RASSF5: variants seen among roughly 807,000 people sequenced by gnomAD.
RASSF5 encodes ras association domain-containing protein 5.
A neutral mutation model predicts 40.5 loss-of-function variants in RASSF5; 25 were observed. The ratio of observed to expected loss-of-function variants is 0.62; its 90% confidence interval spans 0.45 to 0.86. The LOEUF (loss-of-function observed/expected upper bound fraction) is 0.86. Among genes scored for constraint, RASSF5 ranks in the 40% least tolerant of loss-of-function variants. The probability of loss-of-function intolerance (pLI) is 0.00; values close to 1 mark genes in which losing one functional copy is unlikely to be tolerated. For missense variants in RASSF5, 521 were observed against 572.8 expected, an observed-to-expected ratio of 0.91 and a Z score of 0.92; for synonymous variants, 246 against 252.4, an observed-to-expected ratio of 0.97 and a Z score of 0.24.
intron 2 of RASSF5, chr1:206,557,155 A>G: frequency 1.0e-6 from 1 of 996,216 alleles, no homozygotes; most frequent in Non-Finnish European, 1.2e-6. Flanking sequence ...TTGCAGAGGA[A>G]GTGGCTTCAG....
At chr1:206,561,895 C>T (rs1363543867) in intron 2 of RASSF5, among the ~76,000 whole-genome samples, 2 of 151,486 alleles carry the variant, frequency 1.3e-5, no homozygotes, top group African/African-American at 4.9e-5. Context: ...TCTTGAACTC[C>T]TGACCTCAGG....
At chr1:206,523,729 A>G (rs1666993149) in intron 1 of RASSF5, among the ~76,000 whole-genome samples, 1 of 96,196 alleles carries the variant, frequency 1.0e-5, no homozygotes, top group Non-Finnish European at 1.8e-5. Context: ...ATATTTATAT[A>G]TTATATATAA....
At chr1:206,580,133 G>A (rs1020682608) in intron 2 of RASSF5, among the ~76,000 whole-genome samples, 8 of 152,298 alleles carry the variant, frequency 5.3e-5, no homozygotes, top group South Asian at 2.1e-4. Flanking sequence ...TCACTTCCCC[G>A]CGTTTGTGGT....
At chr1:206,563,939 C>T (rs1391186099) in intron 2 of RASSF5, among the ~76,000 whole-genome samples, 2 of 152,152 alleles carry the variant, frequency 1.3e-5, no homozygotes, top group Non-Finnish European at 2.9e-5. Context: ...TATTTCAAGG[C>T]CCTTTGAGAT....
At chr1:206,583,222 C>T (rs782055209) in intron 2 of RASSF5, 47 bp from the exon 3 acceptor site, 10 of 1,294,594 alleles carry the variant, frequency 7.7e-6, no homozygotes, top group Non-Finnish European at 1.1e-5. Flanking sequence ...CCCTTTCTCA[C>T]CCTGAGAACT....
chr1:206,583,497 C>A, intron 3 of RASSF5, 118 bp downstream of exon 3: 1 of 731,358 alleles, frequency 1.4e-6, no homozygotes, highest in Non-Finnish European at 2.4e-6. Flanking sequence ...CCCTTTCCTC[C>A]GGCCTCCAGA....
At chr1:206,577,613 AC>A (rs1668704741) in intron 2 of RASSF5, among the ~76,000 whole-genome samples, 1 of 152,172 alleles carries the variant, frequency 6.6e-6, no homozygotes, top group South Asian at 2.1e-4. Flanking sequence ...CAGGTACTTA[AC>A]CCCTACTATG....
At chr1:206,559,416 A>C (rs1553402283) in intron 2 of RASSF5, among the ~76,000 whole-genome samples, 2 of 152,176 alleles carry the variant, frequency 1.3e-5, no homozygotes, top group African/African-American at 4.8e-5. Flanking sequence ...GAGGAATAGA[A>C]ATATCCTATA....
chr1:206,573,607 C>A (rs1366852604), intron 2 of RASSF5, among the ~76,000 whole-genome samples: 1 of 152,212 alleles, frequency 6.6e-6, no homozygotes, highest in Non-Finnish European at 1.5e-5. Context: ...CTATTTGCCT[C>A]ATGTTCAGAG....
Position 206,579,476 on chromosome 1 carries a change from G to A in RASSF5, c.580-3793G>A, listed in dbSNP as rs982701103. Among the ~76,000 whole-genome samples the A allele has an allele frequency of 6.6e-6, 1 of 152,204 alleles. No individual in the cohort carries two copies. Among genetic ancestry groups the A allele is most frequent in the South Asian group, 2.1e-4 (1 of 4,832 alleles). On this transcript the variant is annotated intron_variant, in intron 2 of 5. Coordinates refer to ENST00000579436, the MANE Select transcript of RASSF5 (RefSeq NM_182663.4). The surrounding 1 kb of genome is among the most constrained non-coding windows in gnomAD (Gnocchi z 4.2). Reference sequence around the variant, plus strand: ...GTCTTATCCTCTGAAGATTGCTATAGTATCGATCTCGCTCTCATGGCAGAT... The same window carrying A: ...GTCTTATCCTCTGAAGATTGCTATAATATCGATCTCGCTCTCATGGCAGAT...
intron 1 of RASSF5, 140 bp from the exon 2 acceptor site, chr1:206,538,032 G>T: frequency 2.5e-6 from 3 of 1,199,182 alleles, no homozygotes; most frequent in Non-Finnish European, 3.6e-6. Flanking sequence ...GCATTCTCAC[G>T]CTGTCTCCCG....
chr1:206,534,692 C>T (rs1352469876), intron 1 of RASSF5, among the ~76,000 whole-genome samples: 3 of 152,202 alleles, frequency 2.0e-5, no homozygotes, highest in African/African-American at 7.2e-5. Context: ...TGGGCTGTCT[C>T]TGTTGTTAGT....
chr1:206,554,439 T>C (rs1295722420), intron 2 of RASSF5, among the ~76,000 whole-genome samples: 1 of 152,234 alleles, frequency 6.6e-6, no homozygotes. Context: ...TTTCATCATC[T>C]AACACTTTGA....
chr1:206,584,714 G>C lies in RASSF5; in HGVS notation c.988+30G>C. ...GAGAAAGAGTGAACCCAACCAGACC[G>C]TTCCCTTCCTACCTGTGTCCAAGCC... On this transcript the variant is annotated intron_variant, in intron 4 of 5. Transcript: ENST00000579436. This position sits in a 1 kb window ranked among gnomAD's most constrained non-coding sequence, Gnocchi z 4.9. 1 of 1,612,376 alleles carries C rather than the reference G, an allele frequency of 6.2e-7. No homozygotes were observed. Among genetic ancestry groups the C allele is most frequent in the Non-Finnish European group, 8.5e-7 (1 of 1,178,802 alleles).
rs535141953 is a variant in RASSF5, at chr1:206,535,671, G to A, written c.458-2501G>A. 9.2e-5 allele frequency among the ~76,000 whole-genome samples: 14 copies of A among 151,744 alleles called. No homozygotes were observed. The highest frequency in any genetic ancestry group is 3.1e-4 in the African/African-American group (13 of 41,330). On this transcript the variant is annotated intron_variant, in intron 1 of 5. Coordinates refer to ENST00000579436, the MANE Select transcript of RASSF5 (RefSeq NM_182663.4). The surrounding 1 kb of genome is among the most constrained non-coding windows in gnomAD (Gnocchi z 5.0). The stretch of plus-strand genomic sequence containing the variant: ...ACTTAGTGTTGTCCAGCTCAGCATG[G>A]TGATGTTTTCAGGGTGTGTGTGTGT...
Position 206,584,814 on chromosome 1 carries a change from T to A in RASSF5, c.988+130T>A. 2 of 962,350 alleles carry A rather than the reference T, an allele frequency of 2.1e-6. No individual in the cohort carries two copies. The highest frequency in any genetic ancestry group is 3.1e-6 in the Non-Finnish European group (2 of 639,578). The allele number at this position is 962,350 out of a possible 1,614,324, so 59.6% of individuals were successfully genotyped here. On this transcript the variant is annotated intron_variant, in intron 4 of 5. Transcript: ENST00000579436. This position sits in a 1 kb window ranked among gnomAD's most constrained non-coding sequence, Gnocchi z 4.9. ...TGAGCACCAGGGGTCCAGCTGCCCATGTGGTGTTCAGATCTGTGGAATCCG... is the reference window on the plus strand; with the variant it reads ...TGAGCACCAGGGGTCCAGCTGCCCAAGTGGTGTTCAGATCTGTGGAATCCG...
chr1:206,541,989 C>T (rs1199901856), intron 2 of RASSF5: 2 of 152,256 alleles, frequency 1.3e-5, no homozygotes, highest in Non-Finnish European at 2.9e-5. Flanking sequence ...CAGGGCAACC[C>T]CGGCAGCTCT....
chr1:206,571,195 T>C (rs1349291640), intron 2 of RASSF5: 6 of 152,206 alleles, frequency 3.9e-5, no homozygotes, highest in Non-Finnish European at 5.9e-5. Context: ...ATTAGTGATA[T>C]TGAGCATTTT....
chr1:206,526,088 T>C (rs1667089447), intron 1 of RASSF5, among the ~76,000 whole-genome samples: 1 of 152,168 alleles, frequency 6.6e-6, no homozygotes, highest in Non-Finnish European at 1.5e-5. Context: ...TGAACCAAAC[T>C]GGAGCTTGCT....
Sources: gnomAD v4.1 joint callset for allele counts (sites outside exome capture counted in the v4.1 genomes callset) on GRCh38, gnomAD v4.1.1 for gene constraint, Gnocchi (gnomAD v3.1) non-coding constraint, MANE v1.5 for transcripts, NCBI Gene and HGNC (gene_info 2026-07-23, HGNC 2026-07-21) for gene names.